The following SYN3 variants were observed in gnomAD, a reference collection of about 807,000 sequenced individuals.
SYN3 encodes synapsin-3.
In SYN3, 35 loss-of-function variants were observed where a neutral mutation model predicts 65.8. The observed-to-expected ratio is 0.53, with a 90% CI of 0.41 to 0.70. The LOEUF is 0.70. Among genes scored for constraint, SYN3 ranks in the 30% least tolerant of loss-of-function variants. SYN3 has a pLI of 0.00. For missense variants in SYN3, 680 were observed against 749.0 expected (o/e 0.91, Z 1.08); for synonymous variants, 270 against 292.9 (o/e 0.92, Z 0.80).
intron 1 of SYN3, among the ~76,000 whole-genome samples, chr22:33,018,838 G>A (rs2053515159): frequency 6.6e-6 from 1 of 152,190 alleles, no homozygotes; most frequent in Non-Finnish European, 1.5e-5. Flanking sequence ...CACTCACTGA[G>A]ACCTGAACCT....
At chr22:32,959,445 G>A (rs2051575029) in intron 3 of SYN3, among the ~76,000 whole-genome samples, 1 of 151,834 alleles carries the variant, frequency 6.6e-6, no homozygotes, top group South Asian at 2.1e-4. Context: ...CAGCTACTTG[G>A]GAGGCTGAGG....
At chr22:32,777,261 T>C (rs2045930030) in intron 6 of SYN3, among the ~76,000 whole-genome samples, 1 of 152,176 alleles carries the variant, frequency 6.6e-6, no homozygotes, top group African/African-American at 2.4e-5. Context: ...GGTCTCGGTA[T>C]TCCCAGCTCC....
At chr22:32,530,815 C>T (rs1044547381) in intron 10 of SYN3, among the ~76,000 whole-genome samples, 10 of 151,700 alleles carry the variant, frequency 6.6e-5, no homozygotes, top group East Asian at 5.8e-4. Flanking sequence ...CCATCCTGGC[C>T]AACACGGTGA....
At chr22:32,745,414 G>A (rs2044901219) in intron 6 of SYN3, among the ~76,000 whole-genome samples, 1 of 152,212 alleles carries the variant, frequency 6.6e-6, no homozygotes, top group Non-Finnish European at 1.5e-5. Flanking sequence ...GGGGGTGGAT[G>A]GCGGACTGTC....
intron 7 of SYN3, among the ~76,000 whole-genome samples, chr22:32,591,348 A>G (rs1208190547): frequency 6.6e-6 from 1 of 152,236 alleles, no homozygotes. Flanking sequence ...TTCGAATGTG[A>G]GATGTTCTTA....
At chr22:32,571,532 G>A in intron 7 of SYN3, among the ~76,000 whole-genome samples, 1 of 152,190 alleles carries the variant, frequency 6.6e-6, no homozygotes, top group Non-Finnish European at 1.5e-5. Flanking sequence ...ATGGGTTATA[G>A]TGGATAAATA....
intron 4 of SYN3, among the ~76,000 whole-genome samples, chr22:32,927,711 CTT>C (rs2050512846): frequency 6.6e-6 from 1 of 152,186 alleles, no homozygotes; most frequent in Non-Finnish European, 1.5e-5. Flanking sequence ...ATTAACACCA[CTT>C]TCTTTGCCCT....
chr22:32,796,321 CAT>C (rs1169888555), intron 6 of SYN3, among the ~76,000 whole-genome samples: 1 of 152,174 alleles, frequency 6.6e-6, no homozygotes, highest in Non-Finnish European at 1.5e-5. Context: ...TTACTGCACA[CAT>C]GTGTTTTCTG....
chr22:32,980,535 A>C (rs771443555), intron 3 of SYN3, 110 bp downstream of exon 3: 3 of 988,366 alleles, frequency 3.0e-6, no homozygotes, highest in African/African-American at 1.6e-5. Flanking sequence ...CTTTTCTGGT[A>C]ATCTTGGCTC....
intron 6 of SYN3, among the ~76,000 whole-genome samples, chr22:32,631,062 G>A (rs1334405918): frequency 6.8e-6 from 1 of 146,052 alleles, no homozygotes; most frequent in Non-Finnish European, 1.5e-5. Context: ...GGGAGGCCGA[G>A]GCGGGCGGAT....
At chr22:32,637,100 C>A (rs560164113) in intron 6 of SYN3, among the ~76,000 whole-genome samples, 1 of 152,066 alleles carries the variant, frequency 6.6e-6, no homozygotes, top group African/African-American at 2.4e-5. Flanking sequence ...GAATGCTCTT[C>A]TGTTCTACAC....
intron 12 of SYN3, 110 bp from the exon 13 acceptor site, chr22:32,518,444 T>C (rs2146076024): frequency 7.4e-7 from 1 of 1,360,138 alleles, no homozygotes; most frequent in Non-Finnish European, 1.0e-6. Flanking sequence ...TTTCTTATAA[T>C]GGTGAAAAAC....
At chr22:32,931,544 CACAT>C in intron 3 of SYN3, 63 bp from the exon 4 acceptor site, 1 of 1,149,004 alleles carries the variant, frequency 8.7e-7, no homozygotes, top group Non-Finnish European at 1.3e-6. Flanking sequence ...CAACGGTTAA[CACAT>C]ATTGGGTACT....
chr22:33,005,407 T>C (rs187993478), intron 2 of SYN3, among the ~76,000 whole-genome samples: 13 of 152,340 alleles, frequency 8.5e-5, no homozygotes, highest in Non-Finnish European at 5.9e-5. Context: ...GCTAGACTGA[T>C]AACATTTATC....
At chr22:33,051,100 A>C (rs1171278251) in intron 1 of SYN3, among the ~76,000 whole-genome samples, 1 of 152,130 alleles carries the variant, frequency 6.6e-6, no homozygotes, top group Non-Finnish European at 1.5e-5. Flanking sequence ...TGCGATTTAC[A>C]AGGGAGAGAA....
At chr22:33,012,662 C>A (rs1187882642) in intron 1 of SYN3, among the ~76,000 whole-genome samples, 1 of 152,230 alleles carries the variant, frequency 6.6e-6, no homozygotes, top group Non-Finnish European at 1.5e-5. Context: ...AGAACCATCA[C>A]AGGTTCAACA....
At chr22:33,056,561 C>A (rs144874132) in intron 1 of SYN3, among the ~76,000 whole-genome samples, 1 of 152,338 alleles carries the variant, frequency 6.6e-6, no homozygotes, top group East Asian at 1.9e-4. Flanking sequence ...GTCTCTTTGT[C>A]TCATGGGAGG....
At chr22:32,905,638 C>G (rs1467048422) in intron 4 of SYN3, among the ~76,000 whole-genome samples, 2 of 152,228 alleles carry the variant, frequency 1.3e-5, no homozygotes, top group Non-Finnish European at 2.9e-5. Flanking sequence ...TTAGGAGGCA[C>G]ATGGTCAGTA....
intron 7 of SYN3, among the ~76,000 whole-genome samples, chr22:32,561,965 T>G (rs1433020053): frequency 6.6e-6 from 1 of 152,198 alleles, no homozygotes; most frequent in Admixed American, 6.5e-5. Context: ...TGCAAATTCC[T>G]TCCTCTTACG....
Sources: gnomAD v4.1 joint callset for allele counts (sites outside exome capture counted in the v4.1 genomes callset) on GRCh38, gnomAD v4.1.1 for gene constraint, MANE v1.5 for transcripts, NCBI Gene and HGNC (gene_info 2026-07-23, HGNC 2026-07-21) for gene names.